CADPS: variants seen among roughly 807,000 people sequenced by gnomAD.
CADPS encodes calcium dependent secretion activator.
In CADPS, 57 loss-of-function variants were observed where a neutral mutation model predicts 167.3. The ratio of observed to expected loss-of-function variants is 0.34; its 90% CI spans 0.28 to 0.42. The LOEUF (loss-of-function observed/expected upper bound fraction) is 0.42. CADPS is among the 20% of genes least tolerant of loss of function. The probability of loss-of-function intolerance (pLI) is 1.00; values close to 1 mark genes in which losing one functional copy is unlikely to be tolerated. For missense variants in CADPS, 1,414 were observed against 1,738.1 expected, an observed-to-expected ratio of 0.81 and a Z score of 3.32; for synonymous variants, 676 against 635.3, an observed-to-expected ratio of 1.06 and a Z score of -0.96.
chr3:62,651,619 T>C (rs1452242285), intron 4 of CADPS, among the ~76,000 whole-genome samples: 1 of 152,190 alleles, frequency 6.6e-6, no homozygotes, highest in Non-Finnish European at 1.5e-5. Flanking sequence ...ACCAAATTAA[T>C]GAAGTGATGA....
intron 3 of CADPS, among the ~76,000 whole-genome samples, chr3:62,675,760 A>G (rs1390832225): frequency 5.3e-5 from 8 of 152,140 alleles, no homozygotes; most frequent in Admixed American, 5.2e-4. Context: ...ATGACTTCTT[A>G]TCTCTTGAAA....
chr3:62,421,829 C>T lies in CADPS; in HGVS notation c.3777+16275G>A, dbSNP rs1351319245. ...TTTTTGGAGTGTGCTATTGTTTGTG[C>T]TGGACTGTTAGGCTGCATGTCTCAA... On this transcript the variant is annotated intron_variant, in intron 28 of 29. Coordinates refer to ENST00000383710, the MANE Select transcript of CADPS (RefSeq NM_003716.4). This position sits in a 1 kb window ranked among gnomAD's most constrained non-coding sequence, Gnocchi z 4.7. 6.6e-6 allele frequency among the ~76,000 whole-genome samples: 1 copy of T among 152,154 alleles called. No individual in the cohort carries two copies. Among genetic ancestry groups the T allele is most frequent in the Non-Finnish European group, 1.5e-5 (1 of 68,032 alleles).
chr3:62,659,351 G>C (rs1190878227), intron 4 of CADPS, among the ~76,000 whole-genome samples: 1 of 152,154 alleles, frequency 6.6e-6, no homozygotes, highest in Non-Finnish European at 1.5e-5. Context: ...TTTAGTGGAG[G>C]AGATATTTCA....
At chr3:62,606,755 G>A (rs914918534) in intron 6 of CADPS, among the ~76,000 whole-genome samples, 1 of 152,232 alleles carries the variant, frequency 6.6e-6, no homozygotes, top group African/African-American at 2.4e-5. Context: ...TGCTTGAGTG[G>A]TTGAGCTTTT....
intron 1 of CADPS, among the ~76,000 whole-genome samples, chr3:62,818,053 T>C (rs1432156024): frequency 6.6e-6 from 1 of 152,170 alleles, no homozygotes; most frequent in African/African-American, 2.4e-5. Flanking sequence ...AGGTTGATGT[T>C]AAAATTCAGC....
rs1383561878 is a variant in CADPS, at chr3:62,662,461, C to G, written c.889-67G>C. Reference sequence around the variant, plus strand: ...CAAGTGCCAATAAACTCAGGACATTCCATTTTATACCCCCTTGCACTGTGC... The same window carrying G: ...CAAGTGCCAATAAACTCAGGACATTGCATTTTATACCCCCTTGCACTGTGC... On this transcript the variant is annotated intron_variant, in intron 3 of 29. Coordinates refer to ENST00000383710, the MANE Select transcript of CADPS (RefSeq NM_003716.4). 6.1e-6 allele frequency: 8 copies of G among 1,315,144 alleles called. No individual in the cohort carries two copies. In the East Asian group the frequency reaches 1.6e-4, roughly 27 times the overall value. The allele number at this position is 1,315,144 out of a possible 1,614,324, so 81.5% of individuals were successfully genotyped here. A position where few individuals can be genotyped will look rare whatever the true frequency, so the allele number is the denominator to read the frequency against.
rs482199 is a variant in CADPS, at chr3:62,738,495, A to T, written c.888+14946T>A. 1.3e-4 allele frequency among the ~76,000 whole-genome samples: 20 copies of T among 151,962 alleles called. No homozygotes were observed. In the South Asian group the frequency reaches 3.9e-3, roughly 30 times the overall value. ...TCCCAGCACTTTGGGAGGCCGAGGC[A>T]GGTGGATCATCTGAGGTCAGGAGAT... On this transcript the variant is annotated intron_variant, in intron 3 of 29. Transcript: ENST00000383710.
rs1342281770 is a variant in CADPS at position 62,514,390 on chromosome 3, C to G, written c.2582-1622G>C. ...CAGAGGTCACATTAAAGTGGCTGAG[C>G]CAATCACGGACAAGGAAGGAGAGAA... is the stretch of plus-strand genomic sequence containing the variant. On this transcript the variant is annotated intron_variant, in intron 16 of 29. Coordinates refer to ENST00000383710, the MANE Select transcript of CADPS (RefSeq NM_003716.4). The surrounding 1 kb of genome is among the most constrained non-coding windows in gnomAD (Gnocchi z 4.2). Among the ~76,000 whole-genome samples the G allele has an allele frequency of 6.6e-6, 1 of 151,864 alleles. No homozygotes were observed. The highest frequency in any genetic ancestry group is 6.6e-5 in the Admixed American group (1 of 15,230).
intron 1 of CADPS, among the ~76,000 whole-genome samples, chr3:62,836,198 T>C (rs1186042595): frequency 1.3e-5 from 2 of 152,198 alleles, no homozygotes; most frequent in Non-Finnish European, 2.9e-5. Context: ...TGGTCTAATA[T>C]GAACTTTGAA....
intron 2 of CADPS, among the ~76,000 whole-genome samples, chr3:62,762,690 A>T (rs990370692): frequency 1.3e-5 from 2 of 148,942 alleles, no homozygotes; most frequent in African/African-American, 4.9e-5. Context: ...ATATGGGAGG[A>T]TGTGCATAGG....
At chr3:62,635,385 C>CCCTCTTTTCATTCCTT (rs2066087683) in intron 6 of CADPS, among the ~76,000 whole-genome samples, 1 of 152,130 alleles carries the variant, frequency 6.6e-6, no homozygotes. Context: ...GAGACAAGAG[C>CCCTCTTTTCATTCCTT]CCTCTTTTCA....
chr3:62,859,641 A>T (rs1461384170), intron 1 of CADPS, among the ~76,000 whole-genome samples: 1 of 152,112 alleles, frequency 6.6e-6, no homozygotes, highest in Non-Finnish European at 1.5e-5. Flanking sequence ...TGTGGAAAGA[A>T]GACAGTAGAA....
At chr3:62,561,869 C>T (rs916834384) in intron 9 of CADPS, among the ~76,000 whole-genome samples, 3 of 152,100 alleles carry the variant, frequency 2.0e-5, no homozygotes, top group Non-Finnish European at 4.4e-5. Flanking sequence ...CTCTGGTCAC[C>T]AGCCCTTGTC....
At chr3:62,485,170 C>A (rs2150938790) in intron 21 of CADPS, among the ~76,000 whole-genome samples, 1 of 152,192 alleles carries the variant, frequency 6.6e-6, no homozygotes, top group East Asian at 1.9e-4. Flanking sequence ...CACCCTCCCA[C>A]CTGAGTCAAT....
chr3:62,598,874 G>A (rs975689356), intron 6 of CADPS, among the ~76,000 whole-genome samples: 2 of 152,148 alleles, frequency 1.3e-5, no homozygotes, highest in Non-Finnish European at 2.9e-5. Context: ...CAAGACTGGT[G>A]GGACGTTGGG....
intron 28 of CADPS, among the ~76,000 whole-genome samples, chr3:62,405,981 G>A (rs966008996): frequency 3.3e-5 from 5 of 152,180 alleles, no homozygotes; most frequent in Non-Finnish European, 7.3e-5. Context: ...TGTAGAGGAG[G>A]AAACAAAGGC....
intron 3 of CADPS, among the ~76,000 whole-genome samples, chr3:62,734,907 T>C (rs905204231): frequency 6.6e-6 from 1 of 152,148 alleles, no homozygotes; most frequent in African/African-American, 2.4e-5. Flanking sequence ...ATTTGAAACA[T>C]GGCTATTTGT....
intron 3 of CADPS, among the ~76,000 whole-genome samples, chr3:62,752,686 C>G (rs929772420): frequency 1.3e-5 from 2 of 152,180 alleles, no homozygotes; most frequent in African/African-American, 2.4e-5. Flanking sequence ...GATTCCTGGG[C>G]CATGCTCTGA....
chr3:62,808,758 A>C (rs993192746), intron 1 of CADPS, among the ~76,000 whole-genome samples: 3 of 152,106 alleles, frequency 2.0e-5, no homozygotes, highest in African/African-American at 7.2e-5. Flanking sequence ...AATACCACTC[A>C]AAACTGTATC....
Sources: gnomAD v4.1 joint callset for allele counts (sites outside exome capture counted in the v4.1 genomes callset) on GRCh38, gnomAD v4.1.1 for gene constraint, Gnocchi (gnomAD v3.1) non-coding constraint, MANE v1.5 for transcripts, NCBI Gene and HGNC (gene_info 2026-07-23, HGNC 2026-07-21) for gene names.